PDZD2: variants seen among roughly 807,000 people sequenced by gnomAD.
PDZD2 encodes the protein PDZ domain containing 2, also known as PDZ domain-containing protein 2.
Under a neutral mutation model 220.7 loss-of-function variants are expected in PDZD2, and 90 were observed. The ratio of observed to expected loss-of-function variants is 0.41; its 90% CI spans 0.34 to 0.49. The LOEUF (loss-of-function observed/expected upper bound fraction) is 0.49. Among genes scored for constraint, PDZD2 ranks in the 20% least tolerant of loss-of-function variants. PDZD2 has a pLI of 0.28. For missense variants in PDZD2, 3,174 were observed against 3,608.5 expected (o/e 0.88, Z 3.08); for synonymous variants, 1,375 against 1,450.5 (o/e 0.95, Z 1.18).
rs1474649641 is a variant in PDZD2, at chr5:32,077,760, C to A, written c.3682+154C>A. 8 of 657,284 alleles carry A rather than the reference C, an allele frequency of 1.2e-5. No homozygotes were observed. In the Admixed American group the frequency reaches 1.7e-4, roughly 14 times the overall value. 40.7% of individuals were successfully genotyped at this position (657,284 alleles called of 1,614,324 possible). On this transcript the variant is annotated intron_variant, in intron 19 of 24. Transcript: ENST00000438447. ...CCACTTGAGGTCAGGAGTTTGAGAC[C>A]AGCCTGGCCAACATGGTGAAACCCC...
Position 32,090,508 on chromosome 5 carries a change from A to C in PDZD2, c.7060A>C (p.Lys2354Gln). ...NLANADRPVA[K>Q]SGASPFLSVS... ...GGCCAATGCTGACCGGCCTGTAGCC[A>C]AGTCCGGGGCTTCCCCATTTTTGTC... is the stretch of plus-strand genomic sequence containing the variant. The change falls in exon 20 of 25, where the codon AAG becomes CAG. Residue 2354 changes from lysine to glutamine, a missense_variant. This residue lies in a region of PDZD2 where 631 missense variants were observed against 789.9 expected (regional missense o/e 0.80). Coordinates refer to ENST00000438447, the MANE Select transcript of PDZD2 (RefSeq NM_178140.4). This position sits in a 1 kb window ranked among gnomAD's most constrained non-coding sequence, Gnocchi z 4.3. 3.1e-6 allele frequency: 5 copies of C among 1,614,038 alleles called. No individual in the cohort carries two copies. The highest frequency in any genetic ancestry group is 3.4e-6 in the Non-Finnish European group (4 of 1,180,004).
At chr5:31,916,155 T>C (rs964664768) in intron 2 of PDZD2, among the ~76,000 whole-genome samples, 13 of 152,260 alleles carry the variant, frequency 8.5e-5, no homozygotes, top group Non-Finnish European at 1.6e-4. Flanking sequence ...ATTTTCTAGC[T>C]GCAGAACACT....
At chr5:32,081,716 CTTTGT>C (rs368243741) in intron 19 of PDZD2, among the ~76,000 whole-genome samples, 9 of 152,188 alleles carry the variant, frequency 5.9e-5, no homozygotes, top group African/African-American at 9.6e-5. Context: ...CAAAACATGT[CTTTGT>C]TTTGTTTTGT....
chr5:31,999,272 C>CG, intron 4 of PDZD2, among the ~76,000 whole-genome samples: 1 of 101,504 alleles, frequency 9.9e-6, no homozygotes. Flanking sequence ...GGGCGGGTGG[C>CG]GGGATTTGTT....
At chr5:31,698,467 CG>C (rs1747471485) in intron 1 of PDZD2, among the ~76,000 whole-genome samples, 1 of 150,930 alleles carries the variant, frequency 6.6e-6, no homozygotes, top group South Asian at 2.1e-4. Context: ...GGCGTGGTAG[CG>C]GGCGCCTGTA....
chr5:31,903,032 T>A (rs1342030237), intron 2 of PDZD2, among the ~76,000 whole-genome samples: 1 of 151,936 alleles, frequency 6.6e-6, no homozygotes, highest in Non-Finnish European at 1.5e-5. Context: ...TCCTACAACT[T>A]GAAAGTAAAA....
At chr5:31,840,651 C>T (rs746998151) in intron 2 of PDZD2, 15 of 727,096 alleles carry the variant, frequency 2.1e-5, no homozygotes, top group South Asian at 8.6e-5. Flanking sequence ...TTTCCTCACG[C>T]GTTTCAGGAA....
chr5:31,994,058 C>T (rs541823074), intron 3 of PDZD2, among the ~76,000 whole-genome samples: 7 of 152,164 alleles, frequency 4.6e-5, no homozygotes, highest in African/African-American at 1.7e-4. Flanking sequence ...CACTGTGTCA[C>T]CCAGGATGGA....
At chr5:31,749,311 A>G (rs1750792813) in intron 1 of PDZD2, among the ~76,000 whole-genome samples, 1 of 152,106 alleles carries the variant, frequency 6.6e-6, no homozygotes, top group African/African-American at 2.4e-5. Context: ...TGGTGAGTAA[A>G]TAAGAAAATG....
chr5:31,894,759 C>T (rs140599827), intron 2 of PDZD2, among the ~76,000 whole-genome samples: 1 of 152,184 alleles, frequency 6.6e-6, no homozygotes, highest in African/African-American at 2.4e-5. Context: ...GCTGTATCCT[C>T]AGCCCAATGC....
At chr5:31,959,078 G>A (rs1472036020) in intron 2 of PDZD2, among the ~76,000 whole-genome samples, 13 of 151,164 alleles carry the variant, frequency 8.6e-5, no homozygotes, top group East Asian at 2.0e-4. Context: ...GACTACAAGC[G>A]TGTGCCACCA....
At chr5:31,910,469 C>T (rs1244315692) in intron 2 of PDZD2, among the ~76,000 whole-genome samples, 1 of 148,746 alleles carries the variant, frequency 6.7e-6, no homozygotes, top group Non-Finnish European at 1.5e-5. Flanking sequence ...TGCAGTTGCG[C>T]AAATTCCGCC....
rs189293929 is a variant in PDZD2, at chr5:32,046,936, G to A, written c.1520-1603G>A. Among the ~76,000 whole-genome samples the A allele has an allele frequency of 1.5e-3, 224 of 152,128 alleles. 2 individuals are homozygous for A. The highest frequency in any genetic ancestry group is 5.0e-3 in the African/African-American group (207 of 41,520). ...CGTGCACCTGTAATCCCAGCTACTC[G>A]GGAAACTGAGGCAGGAGAATCACTT... is the stretch of plus-strand genomic sequence containing the variant. On this transcript the variant is annotated intron_variant, in intron 7 of 24. Transcript: ENST00000438447.
intron 1 of PDZD2, among the ~76,000 whole-genome samples, chr5:31,667,257 AG>A (rs1296182222): frequency 1.3e-5 from 2 of 149,432 alleles, no homozygotes; most frequent in African/African-American, 2.5e-5. Flanking sequence ...AAAAAAAAAA[AG>A]AGTACCTGCT....
At chr5:31,834,664 A>T (rs1170697106) in intron 2 of PDZD2, among the ~76,000 whole-genome samples, 1 of 151,728 alleles carries the variant, frequency 6.6e-6, no homozygotes, top group East Asian at 1.9e-4. Context: ...GGAAAAAAAA[A>T]ATCAGTGATT....
chr5:32,002,918 A>C (rs1264788913), intron 5 of PDZD2, among the ~76,000 whole-genome samples: 41 of 45,960 alleles, frequency 8.9e-4, no homozygotes, highest in African/African-American at 2.7e-3. Flanking sequence ...CCACACACAC[A>C]CCACACACAC....
At chr5:32,099,249 A>C (rs1384135054) in intron 23 of PDZD2, 1 of 152,520 alleles carries the variant, frequency 6.6e-6, no homozygotes, top group East Asian at 1.9e-4. Context: ...TAAGTACTGC[A>C]GATGTCTGGA....
chr5:31,778,421 C>T (rs1405133572), intron 1 of PDZD2, among the ~76,000 whole-genome samples: 2 of 152,128 alleles, frequency 1.3e-5, no homozygotes. Flanking sequence ...TGAGCTGTAA[C>T]ACTCACCGCG....
chr5:31,854,339 G>C (rs1758238224), intron 2 of PDZD2, among the ~76,000 whole-genome samples: 1 of 152,198 alleles, frequency 6.6e-6, no homozygotes, highest in Non-Finnish European at 1.5e-5. Context: ...CCCACAGAAG[G>C]TGGGAGGGGT....
Sources: allele counts gnomAD v4.1 joint callset (sites outside exome capture counted in the v4.1 genomes callset), GRCh38; gene constraint gnomAD v4.1.1; regional missense constraint gnomAD v4.1.1; non-coding constraint Gnocchi (gnomAD v3.1); transcripts MANE v1.5; gene names NCBI Gene and HGNC (gene_info 2026-07-23, HGNC 2026-07-21).